The following ABCB10 variants were observed in gnomAD, a reference collection of about 807,000 sequenced individuals.
The protein encoded by ABCB10 is ATP binding cassette subfamily B member 10.
A neutral mutation model predicts 65.4 loss-of-function variants in ABCB10; 54 were observed. The ratio of observed to expected loss-of-function variants is 0.83; its 90% CI spans 0.66 to 1.04. The LOEUF (loss-of-function observed/expected upper bound fraction) is 1.04, where lower values mean the gene tolerates loss of function less well. ABCB10 is among the 50% of genes least tolerant of loss of function. The probability of loss-of-function intolerance (pLI) is 0.00; values close to 1 mark genes in which losing one functional copy is unlikely to be tolerated. For missense variants in ABCB10, 846 were observed against 976.6 expected, an observed-to-expected ratio of 0.87 and a Z score of 1.78; for synonymous variants, 418 against 406.5, an observed-to-expected ratio of 1.03 and a Z score of -0.34.
intron 1 of ABCB10, among the ~76,000 whole-genome samples, chr1:229,555,979 C>CAAA (rs34673510): frequency 1.8e-4 from 22 of 124,192 alleles, no homozygotes; most frequent in Non-Finnish European, 2.2e-4. Flanking sequence ...GTTTGAAAAG[C>CAAA]AAAAAAAAAA....
At chr1:229,518,433 A>G (rs1343534915) in intron 12 of ABCB10, 23 bp from the exon 13 acceptor site, 1 of 1,600,840 alleles carries the variant, frequency 6.2e-7, no homozygotes, top group Admixed American at 1.7e-5. Context: ...CACACACACA[A>G]GAAAGCAAAG....
At chr1:229,531,508 G>A (rs936816197) in intron 7 of ABCB10, 128 bp downstream of exon 7, 15 of 898,762 alleles carry the variant, frequency 1.7e-5, no homozygotes, top group South Asian at 8.1e-5. Context: ...CACCCGGCCC[G>A]CCATGCAGCA....
At chr1:229,526,997 T>C (rs961705363) in intron 9 of ABCB10, among the ~76,000 whole-genome samples, 1 of 152,038 alleles carries the variant, frequency 6.6e-6, no homozygotes, top group Non-Finnish European at 1.5e-5. Flanking sequence ...GTAATGGTAG[T>C]CTCCAGCTTT....
chr1:229,541,773 C>G (rs1009045636), intron 4 of ABCB10, among the ~76,000 whole-genome samples: 2 of 151,790 alleles, frequency 1.3e-5, no homozygotes, highest in African/African-American at 4.8e-5. Flanking sequence ...GATCATGTCT[C>G]TACAAAAAAT....
At position 229,517,187 on chromosome 1, in the gene ABCB10, A is replaced by G. The variant is rs1466421420; in HGVS notation, c.*992T>C. 3 of 152,230 alleles carry G rather than the reference A, an allele frequency of 2.0e-5. No homozygotes were observed. Among genetic ancestry groups the G allele is most frequent in the Non-Finnish European group, 4.4e-5 (3 of 68,030 alleles). 9.4% of individuals were successfully genotyped at this position (152,230 alleles called of 1,614,324 possible). A position where few individuals can be genotyped will look rare whatever the true frequency, so the allele number is the denominator to read the frequency against. ...AATATCTTCTTTTCAGGAGAGTGAT[A>G]CATTCTGAAGTTTTCTTGTTATTCT... On this transcript the variant is annotated 3_prime_UTR_variant, in exon 13 of 13. Transcript: ENST00000344517.
Position 229,526,180 on chromosome 1 carries a change from T to C in ABCB10, c.1726-64A>G, listed in dbSNP as rs1049147455. 3 of 1,479,006 alleles carry C rather than the reference T, an allele frequency of 2.0e-6. No homozygotes were observed. In the East Asian group the frequency reaches 6.9e-5, roughly 34 times the overall value. The allele number at this position is 1,479,006 out of a possible 1,614,324, so 91.6% of individuals were successfully genotyped here. A position where few individuals can be genotyped will look rare whatever the true frequency, so the allele number is the denominator to read the frequency against. ...AGACTTAAAACATGTCTAATAAATT[T>C]AGACCTAGCAGTCTTTTTTAAAATT... On this transcript the variant is annotated intron_variant, in intron 9 of 12. Transcript: ENST00000344517.
intron 8 of ABCB10, among the ~76,000 whole-genome samples, chr1:229,529,525 C>A (rs1662529002): frequency 6.7e-6 from 1 of 149,994 alleles, no homozygotes. Context: ...AAAAAATTAG[C>A]TGGGCGTGGT....
At chr1:229,520,515 A>G (rs1662281988) in intron 11 of ABCB10, among the ~76,000 whole-genome samples, 1 of 143,732 alleles carries the variant, frequency 7.0e-6, no homozygotes, top group Admixed American at 6.9e-5. Flanking sequence ...CATGAGACCA[A>G]AAAAAAAAAA....
intron 7 of ABCB10, among the ~76,000 whole-genome samples, 172 bp from the exon 8 acceptor site, chr1:229,530,580 G>A (rs949373687): frequency 6.6e-6 from 1 of 152,162 alleles, no homozygotes; most frequent in Non-Finnish European, 1.5e-5. Context: ...TGCTTACCAC[G>A]TGCCAACTCT....
chr1:229,541,816 G>T (rs1175073510), intron 4 of ABCB10, among the ~76,000 whole-genome samples: 1 of 151,854 alleles, frequency 6.6e-6, no homozygotes, highest in Admixed American at 6.6e-5. Flanking sequence ...GGCATGGGGC[G>T]ATAGTCCCAG....
chr1:229,537,345 T>A (rs1400733546), intron 6 of ABCB10, among the ~76,000 whole-genome samples: 1 of 152,250 alleles, frequency 6.6e-6, no homozygotes, highest in Non-Finnish European at 1.5e-5. Flanking sequence ...GTACTTAGAA[T>A]CATTGGGGTT....
In ABCB10 at chr1:229,558,394, C is replaced by A. The variant is rs1414098016; in HGVS notation, c.259G>T (p.Ala87Ser). The change falls in exon 1 of 13, where the codon GCG becomes TCG. Residue 87 changes from alanine to serine, a missense_variant. Ala to Ser is a moderately conservative substitution (Grantham distance 99). Around this residue, in one of 2 missense-constraint regions of ABCB10, gnomAD observed 214 missense variants for 173.5 expected, o/e 1.23. Coordinates refer to ENST00000344517, the MANE Select transcript of ABCB10 (RefSeq NM_012089.3). Reference sequence around the variant, plus strand: ...CGAGCCCACAGCCCCAGGAGCCGCGCGAGGCCCAGGACGCCCCGCGAGGCG... The same window carrying A: ...CGAGCCCACAGCCCCAGGAGCCGCGAGAGGCCCAGGACGCCCCGCGAGGCG... ...PGASRGVLGL[A>S]RLLGLWARGP... 1 of 1,236,560 alleles carries A rather than the reference C, an allele frequency of 8.1e-7. No homozygotes were observed. 76.6% of individuals were successfully genotyped at this position (1,236,560 alleles called of 1,614,324 possible).
chr1:229,518,454 C>T (rs1239487110), intron 12 of ABCB10, 44 bp from the exon 13 acceptor site: 1 of 1,507,984 alleles, frequency 6.6e-7, no homozygotes, highest in South Asian at 1.1e-5. Flanking sequence ...ACGTCAGTGA[C>T]ACCCATGTGC....
chr1:229,549,111 G>A, intron 2 of ABCB10, 123 bp downstream of exon 2: 1 of 1,012,712 alleles, frequency 9.9e-7, no homozygotes, highest in Middle Eastern at 2.4e-4. Context: ...CCCACTTAAT[G>A]GGATGCCAGG....
At chr1:229,527,417 A>G (rs954756211) in intron 8 of ABCB10, 109 bp from the exon 9 acceptor site, 29 of 948,296 alleles carry the variant, frequency 3.1e-5, no homozygotes, top group Non-Finnish European at 3.6e-5. Flanking sequence ...AAAGATCAAA[A>G]TGTACTGAAA....
intron 4 of ABCB10, 80 bp downstream of exon 4, chr1:229,542,157 A>C: frequency 6.6e-7 from 1 of 1,511,738 alleles, no homozygotes; most frequent in Non-Finnish European, 8.8e-7. Context: ...ACCTAAGTAC[A>C]TCCCTTAGGA....
chr1:229,549,271 G>A lies in ABCB10; in HGVS notation c.681C>T (p.Ala227=), dbSNP rs571925654. The A allele has an allele frequency of 5.6e-6, 9 of 1,614,072 alleles. No homozygotes were observed. Among genetic ancestry groups the A allele is most frequent in the South Asian group, 4.4e-5 (4 of 91,068 alleles). ...TGAGGTAGACACGAATGGCATTGGC[G>A]GCAGCACCACACAGAAACACGGCAC... ...GLSAVFLCGA[A]ANAIRVYLMQ... The change falls in exon 2 of 13, where the codon GCC becomes GCT. Residue 227 remains alanine, a synonymous_variant. Transcript: ENST00000344517.
rs1427896345 is a variant in ABCB10, at chr1:229,549,291, C to T, written c.661G>A (p.Val221Met). The T allele has an allele frequency of 5.6e-6, 9 of 1,614,002 alleles. No individual in the cohort carries two copies. The highest frequency in any genetic ancestry group is 2.2e-5 in the East Asian group (1 of 44,888). ...TTGGCGGCAGCACCACACAGAAACACGGCACTGAGCCCTAGGCAGAGGCGG... is the reference window on the plus strand; with the variant it reads ...TTGGCGGCAGCACCACACAGAAACATGGCACTGAGCCCTAGGCAGAGGCGG... ...LTRLCLGLSA[V>M]FLCGAAANAI... Residue 221 changes from valine to methionine, a missense_variant, in exon 2 of 13, where the codon GTG (valine) becomes ATG (methionine). Coordinates refer to ENST00000344517, the MANE Select transcript of ABCB10 (RefSeq NM_012089.3).
chr1:229,526,550 A>G (rs1457039379), intron 9 of ABCB10, among the ~76,000 whole-genome samples: 2 of 151,806 alleles, frequency 1.3e-5, no homozygotes, highest in Non-Finnish European at 2.9e-5. Context: ...AATCATATAC[A>G]CCACTGATGT....
Sources: gnomAD v4.1 joint callset for allele counts (sites outside exome capture counted in the v4.1 genomes callset) on GRCh38, gnomAD v4.1.1 for gene constraint, gnomAD v4.1.1 regional missense constraint, MANE v1.5 for transcripts, NCBI Gene and HGNC (gene_info 2026-07-23, HGNC 2026-07-21) for gene names.